ERI3: variants seen among roughly 807,000 people sequenced by gnomAD.
ERI3 encodes the protein ERI1 exoribonuclease family member 3, also known as ERI1 exoribonuclease 3.
A neutral mutation model predicts 44.4 loss-of-function variants in ERI3; 18 were observed. The ratio of observed to expected loss-of-function variants is 0.41; its 90% CI spans 0.28 to 0.60. ERI3 has a LOEUF of 0.60. ERI3 is among the 20% of genes least tolerant of loss of function. The pLI, the probability that ERI3 is intolerant of heterozygous loss-of-function variation, is 0.36. For missense variants in ERI3, 294 were observed against 435.5 expected, an observed-to-expected ratio of 0.68 and a Z score of 2.89; for synonymous variants, 183 against 164.8, an observed-to-expected ratio of 1.11 and a Z score of -0.84.
At chr1:44,264,989 G>A (rs897294643) in intron 7 of ERI3, among the ~76,000 whole-genome samples, 6 of 152,176 alleles carry the variant, frequency 3.9e-5, no homozygotes, top group Admixed American at 6.5e-5. Context: ...AATGGTAGGG[G>A]CAGCCTCTTC....
At chr1:44,249,824 G>A (rs2154318348) in intron 7 of ERI3, among the ~76,000 whole-genome samples, 1 of 152,324 alleles carries the variant, frequency 6.6e-6, no homozygotes, top group African/African-American at 2.4e-5. Flanking sequence ...AGAGAGCAGT[G>A]GCGGCTGCCT....
In ERI3 at chr1:44,241,607, C is replaced by T. The variant is rs1275425417; in HGVS notation, c.931+6332G>A. On this transcript the variant is annotated intron_variant, in intron 8 of 8. Transcript: ENST00000372257. The surrounding 1 kb of genome is among the most constrained non-coding windows in gnomAD (Gnocchi z 5.6). Reference sequence around the variant, plus strand: ...GCTGCAAGATCACCAGGGGTCAGGGCGCTGACATCCCCGCAGAGTCTATCT... The same window carrying T: ...GCTGCAAGATCACCAGGGGTCAGGGTGCTGACATCCCCGCAGAGTCTATCT... 2.0e-5 allele frequency among the ~76,000 whole-genome samples: 3 copies of T among 152,102 alleles called. No homozygotes were observed. The highest frequency in any genetic ancestry group is 6.5e-5 in the Admixed American group (1 of 15,284).
At chr1:44,338,120 C>T (rs188759846) in intron 3 of ERI3, among the ~76,000 whole-genome samples, 1 of 152,190 alleles carries the variant, frequency 6.6e-6, no homozygotes, top group East Asian at 1.9e-4. Flanking sequence ...CAGCTGGTGA[C>T]TAATGAAAAA....
In ERI3 at chr1:44,311,333, A is replaced by G. The variant is rs539225475; in HGVS notation, c.666+1836T>C. Among the ~76,000 whole-genome samples, 4 of 152,158 alleles carry G rather than the reference A, an allele frequency of 2.6e-5. No individual in the cohort carries two copies. The East Asian group carries it at 7.7e-4, about 29-fold the overall frequency. On this transcript the variant is annotated intron_variant, in intron 5 of 8. Transcript: ENST00000372257. ...AGCTATTCAGTGAGCACCTTTTACCATGAGTCAGGTAAACATCTAGCTGGC... is the reference window on the plus strand; with the variant it reads ...AGCTATTCAGTGAGCACCTTTTACCGTGAGTCAGGTAAACATCTAGCTGGC...
intron 6 of ERI3, among the ~76,000 whole-genome samples, chr1:44,285,744 AT>A (rs1194202446): frequency 6.6e-6 from 1 of 152,222 alleles, no homozygotes; most frequent in African/African-American, 2.4e-5. Flanking sequence ...GTTCAGAGGT[AT>A]GGGCAATGAA....
At chr1:44,351,298 T>A (rs1453028574) in intron 2 of ERI3, among the ~76,000 whole-genome samples, 1 of 152,124 alleles carries the variant, frequency 6.6e-6, no homozygotes, top group Non-Finnish European at 1.5e-5. Context: ...CTTCCCAAAG[T>A]GCTGGGATTA....
chr1:44,223,175 A>C (rs1352247332), intron 8 of ERI3, among the ~76,000 whole-genome samples: 40 of 152,186 alleles, frequency 2.6e-4, no homozygotes, highest in Admixed American at 2.6e-3. Context: ...GAACAGTGGA[A>C]AGACAGATGG....
intron 7 of ERI3, among the ~76,000 whole-genome samples, chr1:44,259,920 T>TAGATAGATAGATAGATAGATAGACAGAC (rs778936296): frequency 4.6e-5 from 6 of 129,742 alleles, no homozygotes; most frequent in Admixed American, 7.4e-5. Flanking sequence ...GATAGATAGA[T>TAGATAGATAGATAGATAGATAGACAGAC]AGACAGACAG....
Position 44,284,683 on chromosome 1 carries a change from G to A in ERI3, c.831+152C>T. On this transcript the variant is annotated intron_variant, in intron 7 of 8. Transcript: ENST00000372257. ...CAGTCAGAAATAACCACATTTCAGTGCATATTAGCTAAGGAAAAGGATGAA... is the reference window on the plus strand; with the variant it reads ...CAGTCAGAAATAACCACATTTCAGTACATATTAGCTAAGGAAAAGGATGAA... The A allele has an allele frequency of 4.7e-6, 3 of 635,346 alleles. No individual in the cohort carries two copies. The Admixed American group carries it at 8.4e-5, about 18-fold the overall frequency. 39.4% of individuals were successfully genotyped at this position (635,346 alleles called of 1,614,324 possible). A position where few individuals can be genotyped will look rare whatever the true frequency, so the allele number is the denominator to read the frequency against.
intron 7 of ERI3, among the ~76,000 whole-genome samples, chr1:44,261,164 A>G (rs768410285): frequency 6.6e-6 from 1 of 152,194 alleles, no homozygotes; most frequent in Non-Finnish European, 1.5e-5. Context: ...GATGTCTCCA[A>G]GTGTGATGGG....
chr1:44,347,547 T>C (rs1646809259), intron 2 of ERI3, among the ~76,000 whole-genome samples: 1 of 152,234 alleles, frequency 6.6e-6, no homozygotes, highest in Non-Finnish European at 1.5e-5. Context: ...TTATGACTCC[T>C]TCCTTAAAAT....
At chr1:44,239,957 TCTC>T (rs558089809) in intron 8 of ERI3, among the ~76,000 whole-genome samples, 22 of 152,344 alleles carry the variant, frequency 1.4e-4, no homozygotes, top group East Asian at 1.2e-3. Flanking sequence ...GCAGCCATGT[TCTC>T]CTCATTAGGA....
chr1:44,349,248 G>T (rs1016847173), intron 2 of ERI3, among the ~76,000 whole-genome samples: 2 of 152,166 alleles, frequency 1.3e-5, no homozygotes, highest in Non-Finnish European at 2.9e-5. Flanking sequence ...CACCTCCCGG[G>T]TTCAAGCAAT....
intron 7 of ERI3, among the ~76,000 whole-genome samples, chr1:44,283,581 C>T (rs1011380857): frequency 6.6e-6 from 1 of 152,146 alleles, no homozygotes; most frequent in African/African-American, 2.4e-5. Context: ...TTTTTCAGCA[C>T]AAGAGGAGTA....
chr1:44,231,426 T>C (rs375516539), intron 8 of ERI3, among the ~76,000 whole-genome samples: 1 of 152,202 alleles, frequency 6.6e-6, no homozygotes, highest in South Asian at 2.1e-4. Flanking sequence ...CAGGCAGGAG[T>C]GCAGTGGTTT....
intron 7 of ERI3, among the ~76,000 whole-genome samples, chr1:44,279,849 T>G (rs1252832935): frequency 6.6e-6 from 1 of 152,262 alleles, no homozygotes; most frequent in Non-Finnish European, 1.5e-5. Flanking sequence ...ATGCAACTGA[T>G]GTATTGGGAA....
intron 7 of ERI3, among the ~76,000 whole-genome samples, chr1:44,253,708 T>TA (rs905959301): frequency 2.0e-5 from 3 of 152,184 alleles, no homozygotes; most frequent in Non-Finnish European, 4.4e-5. Flanking sequence ...GCTGCTGTGT[T>TA]AAGTAGTGAG....
intron 2 of ERI3, among the ~76,000 whole-genome samples, chr1:44,343,843 G>A (rs552562152): frequency 1.1e-4 from 17 of 152,152 alleles, no homozygotes; most frequent in Non-Finnish European, 1.6e-4. Flanking sequence ...GGGGCATTAG[G>A]TCGGCAACTT....
chr1:44,246,179 C>T (rs1229899862), intron 8 of ERI3, among the ~76,000 whole-genome samples: 2 of 152,186 alleles, frequency 1.3e-5, no homozygotes, highest in Non-Finnish European at 2.9e-5. Context: ...CTTCCTAACC[C>T]AAATTTGCCA....
Sources: gnomAD v4.1 joint callset for allele counts (sites outside exome capture counted in the v4.1 genomes callset) on GRCh38, gnomAD v4.1.1 for gene constraint, Gnocchi (gnomAD v3.1) non-coding constraint, MANE v1.5 for transcripts, NCBI Gene and HGNC (gene_info 2026-07-23, HGNC 2026-07-21) for gene names.